INO80: variants seen among roughly 807,000 people sequenced by gnomAD.
The protein encoded by INO80 is chromatin-remodeling ATPase INO80.
Under a neutral mutation model 203.4 loss-of-function variants are expected in INO80, and 20 were observed. The ratio of observed to expected loss-of-function variants is 0.10; its 90% confidence interval spans 0.07 to 0.14. The LOEUF is 0.14. Ranked by LOEUF, INO80 falls within the 10% of genes least tolerant of loss-of-function variation. INO80 has a pLI of 1.00. For missense variants in INO80, 1,419 were observed against 1,914.4 expected (o/e 0.74, Z 4.83); for synonymous variants, 726 against 685.2 (o/e 1.06, Z -0.93).
rs2045776860 is a variant in INO80, at chr15:41,099,536, C to T, written c.-43-3183G>A. On this transcript the variant is annotated intron_variant, in intron 1 of 35. Transcript: ENST00000648947. The stretch of plus-strand genomic sequence containing the variant: ...GTGGCTGAAGCTTGTAATCCCAGCA[C>T]TTTGGGAGGTGAGGCAGGAGGAGAG... Among the ~76,000 whole-genome samples the T allele has an allele frequency of 2.0e-5, 3 of 151,936 alleles. No homozygotes were observed. The South Asian group carries it at 6.2e-4, about 32-fold the overall frequency.
chr15:41,004,483 C>A (rs950034176), intron 28 of INO80: 1 of 152,198 alleles, frequency 6.6e-6, no homozygotes, highest in Non-Finnish European at 1.5e-5. Context: ...AAAGTCAAAG[C>A]TGTTCTGATT....
chr15:41,048,610 T>C (rs965051989), intron 21 of INO80, among the ~76,000 whole-genome samples: 1 of 152,230 alleles, frequency 6.6e-6, no homozygotes, highest in Non-Finnish European at 1.5e-5. Flanking sequence ...AATATTAACC[T>C]GGAGCTACAA....
At chr15:41,044,048 C>T (rs1009989086) in intron 24 of INO80, among the ~76,000 whole-genome samples, 2 of 152,118 alleles carry the variant, frequency 1.3e-5, no homozygotes, top group African/African-American at 4.8e-5. Context: ...ACTGCCATTC[C>T]CAGGTGTAGT....
chr15:41,093,285 C>T (rs539873054), intron 4 of INO80, among the ~76,000 whole-genome samples: 65 of 151,930 alleles, frequency 4.3e-4, no homozygotes, highest in African/African-American at 1.4e-3. Context: ...ATTAGCCAGG[C>T]GTGGTGGCAA....
At chr15:41,082,169 G>C (rs539690312) in intron 7 of INO80, among the ~76,000 whole-genome samples, 2 of 147,622 alleles carry the variant, frequency 1.4e-5, no homozygotes, top group African/African-American at 5.0e-5. Context: ...AGAATCACTT[G>C]AACTCAGGAG....
chr15:41,083,789 G>C (rs1325815875), intron 7 of INO80, among the ~76,000 whole-genome samples: 3 of 151,428 alleles, frequency 2.0e-5, no homozygotes, highest in Admixed American at 2.0e-4. Flanking sequence ...CCTATATGAA[G>C]TATATGTGTA....
rs143461289 is a variant in INO80 at position 41,111,087 on chromosome 15, C to T, written c.-44+4886G>A. Among the ~76,000 whole-genome samples the T allele has an allele frequency of 2.5e-3, 374 of 152,296 alleles. 1 individual carries two copies. The highest frequency in any genetic ancestry group is 0.01 in the Middle Eastern group (3 of 294). On this transcript the variant is annotated intron_variant, in intron 1 of 35. Transcript: ENST00000648947. ...CTTGTAACTAAAATGGTTCCTTTTA[C>T]TTACTGAAAAGCACTTTAGGGTGTG...
rs1566919737 is a variant in INO80 at position 41,032,053 on chromosome 15, CACAGCACAGGACAGCACAGG to C, written c.2908-4337_2908-4318del. Reference sequence around the variant, plus strand: ...CACAGCACAGCACAGCACAGCACAGCACAGCACAGGACAGCACAGGACAGCACAGCACAGCACAGCACAGC... The same window carrying C: ...CACAGCACAGCACAGCACAGCACAGCACAGCACAGCACAGCACAGCACAGC... On this transcript the variant is annotated intron_variant, in intron 24 of 35. Transcript: ENST00000648947. 1.0e-3 allele frequency among the ~76,000 whole-genome samples: 71 copies of C among 67,936 alleles called. 2 individuals are homozygous for C. Among genetic ancestry groups the C allele is most frequent in the African/African-American group, 1.3e-3 (27 of 21,312 alleles). The allele number at this position is 67,936 out of a possible 152,430, so 44.6% of individuals were successfully genotyped here.
At chr15:41,097,490 ATTG>A (rs1030923351) in intron 1 of INO80, among the ~76,000 whole-genome samples, 5 of 152,106 alleles carry the variant, frequency 3.3e-5, no homozygotes, top group African/African-American at 4.8e-5. Flanking sequence ...ACCATAAATT[ATTG>A]TTATGATTTT....
intron 29 of INO80, among the ~76,000 whole-genome samples, chr15:40,996,603 CATGAGCCACCA>C (rs2043884849): frequency 6.6e-6 from 1 of 152,172 alleles, no homozygotes. Flanking sequence ...GGATTACAGG[CATGAGCCACCA>C]CGCCCAGCCA....
intron 5 of INO80, 76 bp from the exon 6 acceptor site, chr15:41,087,758 A>C: frequency 6.8e-7 from 1 of 1,460,504 alleles, no homozygotes; most frequent in South Asian, 1.3e-5. Context: ...CAGAAAACTA[A>C]GCCAGAGGAA....
intron 5 of INO80, among the ~76,000 whole-genome samples, chr15:41,091,585 G>A (rs1260552691): frequency 6.7e-6 from 1 of 148,750 alleles, no homozygotes; most frequent in Non-Finnish European, 1.5e-5. Flanking sequence ...TGTTCTCATT[G>A]TTCAGCTCCC....
chr15:41,006,287 T>C (rs1229381851), intron 27 of INO80, among the ~76,000 whole-genome samples: 8 of 152,194 alleles, frequency 5.3e-5, no homozygotes, highest in African/African-American at 1.9e-4. Flanking sequence ...CTCCAAAAGA[T>C]ACAATAGAGA....
At chr15:41,031,861 A>G (rs75469946) in intron 24 of INO80, among the ~76,000 whole-genome samples, 4,128 of 151,984 alleles carry the variant, frequency 0.027, 181 homozygotes, top group African/African-American at 0.095. Flanking sequence ...AAAAGTCTCA[A>G]GTGAAAATAA....
At position 41,074,451 on chromosome 15, in the gene INO80, T is replaced by C; in HGVS notation, c.1246A>G (p.Arg416Gly). 6.2e-7 allele frequency: 1 copy of C among 1,614,086 alleles called. No individual in the cohort carries two copies. Among genetic ancestry groups the C allele is most frequent in the Non-Finnish European group, 8.5e-7 (1 of 1,179,954 alleles). Residue 416 changes from arginine to glycine, a missense_variant, in exon 10 of 36, where the codon AGG becomes GGG. Coordinates refer to ENST00000648947, the MANE Select transcript of INO80 (RefSeq NM_017553.3). ...GHDGIQEEIL[R>G]KLEDSSTQRQ... ...TGGGTAGAACTGTCTTCCAGTTTCC[T>C]TAGGATTTCTTCCTGGATACCATCA...
Position 40,980,142 on chromosome 15 carries a change from C to T in INO80, c.*81G>A, listed in dbSNP as rs557135828. On this transcript the variant is annotated 3_prime_UTR_variant, in exon 36 of 36. Transcript: ENST00000648947. ...CTGACTCAGGATGCAAGATGCTGCACGGGGCAAGCCATCCAAAGACCACTG... is the reference window on the plus strand; with the variant it reads ...CTGACTCAGGATGCAAGATGCTGCATGGGGCAAGCCATCCAAAGACCACTG... The T allele has an allele frequency of 1.8e-5, 21 of 1,140,122 alleles. No individual in the cohort carries two copies. Among genetic ancestry groups the T allele is most frequent in the Admixed American group, 3.5e-5 (2 of 57,690 alleles). 70.6% of individuals were successfully genotyped at this position (1,140,122 alleles called of 1,614,324 possible).
Position 41,068,045 on chromosome 15 carries a change from G to C in INO80, c.1782+1525C>G, listed in dbSNP as rs187665256. ...ACTTCAACCTGAATTCTTTTCCTCT[G>C]AATTAATTAAATCGATGTTCACATT... On this transcript the variant is annotated intron_variant, in intron 14 of 35. Transcript: ENST00000648947. Among the ~76,000 whole-genome samples the C allele has an allele frequency of 7.9e-5, 12 of 152,196 alleles. No homozygotes were observed. In the East Asian group the frequency reaches 1.4e-3, roughly 17 times the overall value.
chr15:40,985,482 A>T, intron 31 of INO80, 56 bp from the exon 32 acceptor site: 1 of 1,270,394 alleles, frequency 7.9e-7, no homozygotes, highest in South Asian at 1.2e-5. Context: ...CATAATCCTC[A>T]CTCTCTTAAT....
Position 41,092,114 on chromosome 15 carries a change from G to C in INO80, c.450C>G (p.Leu150=). ...TGTGAAGTTCTTCTCTGCTGAGATT[G>C]AGTTCTTCTTCATCATCGTCTTCAC... ...SQSEDDDEEE[L]NLSREELHNM... Residue 150 remains leucine (L), a synonymous_variant, in exon 5 of 36, where the codon CTC becomes CTG. Coordinates refer to ENST00000648947, the MANE Select transcript of INO80 (RefSeq NM_017553.3). 6.2e-7 allele frequency: 1 copy of C among 1,612,086 alleles called. No homozygotes were observed. The highest frequency in any genetic ancestry group is 8.5e-7 in the Non-Finnish European group (1 of 1,178,336).
Sources: allele counts gnomAD v4.1 joint callset (sites outside exome capture counted in the v4.1 genomes callset), GRCh38; gene constraint gnomAD v4.1.1; transcripts MANE v1.5; gene names NCBI Gene and HGNC (gene_info 2026-07-23, HGNC 2026-07-21).